Variants in ADCY8 observed in about 807,000 individuals in gnomAD.
ADCY8 encodes the protein adenylate cyclase type 8.
ADCY8 carries 51 observed loss-of-function variants against 119.7 expected under a neutral mutation model. That is an observed-to-expected ratio of 0.43 (90% CI 0.34 to 0.54). The LOEUF (loss-of-function observed/expected upper bound fraction) is 0.54, where lower values mean the gene tolerates loss of function less well. Among genes scored for constraint, ADCY8 ranks in the 20% least tolerant of loss-of-function variants. ADCY8 has a pLI of 0.03. For missense variants in ADCY8, 1,383 were observed against 1,598.8 expected (o/e 0.87, Z 2.30); for synonymous variants, 665 against 651.0 (o/e 1.02, Z -0.33).
chr8:130,847,048 A>G (rs894281048), intron 11 of ADCY8, among the ~76,000 whole-genome samples: 1 of 151,492 alleles, frequency 6.6e-6, no homozygotes, highest in African/African-American at 2.4e-5. Context: ...ATAACAGTGC[A>G]TTCTGCTACA....
chr8:130,884,481 A>G (rs1818902116), intron 8 of ADCY8, 83 bp downstream of exon 8: 4 of 1,442,728 alleles, frequency 2.8e-6, no homozygotes, highest in Admixed American at 3.5e-5. Context: ...CCAAAACCAC[A>G]GCCCCTGGGC....
chr8:130,933,020 G>A (rs1462744438), intron 5 of ADCY8, among the ~76,000 whole-genome samples: 1 of 152,138 alleles, frequency 6.6e-6, no homozygotes, highest in Non-Finnish European at 1.5e-5. Context: ...CTTACCAACA[G>A]AGCACTGGCC....
chr8:130,960,899 G>T (rs964709448), intron 2 of ADCY8, among the ~76,000 whole-genome samples: 2 of 152,104 alleles, frequency 1.3e-5, no homozygotes, highest in Non-Finnish European at 2.9e-5. Flanking sequence ...CCCATAGATT[G>T]CCTGACTTAG....
intron 2 of ADCY8, among the ~76,000 whole-genome samples, chr8:130,970,088 T>C (rs1821877982): frequency 6.6e-6 from 1 of 152,216 alleles, no homozygotes; most frequent in Non-Finnish European, 1.5e-5. Context: ...CAACCTAATC[T>C]GCCTACATCC....
rs199642175 is a variant in ADCY8 at position 130,836,244 on chromosome 8, G to A, written c.2675+33C>T. On this transcript the variant is annotated intron_variant, in intron 12 of 17. Transcript: ENST00000286355. ...AATTCCACTTCCCACAGGAAGTTGAGCACACTTTGGACTCACGGTGGTGGG... is the reference window on the plus strand; with the variant it reads ...AATTCCACTTCCCACAGGAAGTTGAACACACTTTGGACTCACGGTGGTGGG... 52 of 1,569,714 alleles carry A rather than the reference G, an allele frequency of 3.3e-5. No homozygotes were observed. In the East Asian group the frequency reaches 1.1e-3, roughly 32 times the overall value.
intron 7 of ADCY8, among the ~76,000 whole-genome samples, chr8:130,893,352 T>A (rs1253030863): frequency 6.6e-6 from 1 of 152,128 alleles, no homozygotes; most frequent in Non-Finnish European, 1.5e-5. Flanking sequence ...TCTGCCAGGA[T>A]TCACATGGGA....
At chr8:130,935,024 A>G (rs944007444) in intron 5 of ADCY8, among the ~76,000 whole-genome samples, 1 of 152,208 alleles carries the variant, frequency 6.6e-6, no homozygotes, top group Non-Finnish European at 1.5e-5. Context: ...AGGATCAATG[A>G]CATAAGAAGA....
chr8:130,878,872 A>G (rs1156454760), intron 8 of ADCY8, among the ~76,000 whole-genome samples: 2 of 152,194 alleles, frequency 1.3e-5, no homozygotes, highest in African/African-American at 4.8e-5. Flanking sequence ...ATCACAGTTT[A>G]CCCACAAAAA....
rs77136596 is a variant in ADCY8, at chr8:130,961,986, C to A, written c.1111-9988G>T. On this transcript the variant is annotated intron_variant, in intron 2 of 17. Transcript: ENST00000286355. ...TGAGACTCTGTCTCTAAAAAGAAAA[C>A]AACATTATTAAATAGTCTTTAAGTG... Among the ~76,000 whole-genome samples the A allele has an allele frequency of 9.9e-3, 1,508 of 152,238 alleles. 27 individuals carry two copies. Among genetic ancestry groups the A allele is most frequent in the African/African-American group, 0.034 (1,425 of 41,532 alleles).
chr8:130,804,379 C>T (rs1437621822), intron 14 of ADCY8, among the ~76,000 whole-genome samples: 1 of 152,152 alleles, frequency 6.6e-6, no homozygotes. Flanking sequence ...TATTAGGGCA[C>T]CAGTCATGTT....
intron 14 of ADCY8, among the ~76,000 whole-genome samples, chr8:130,810,469 C>T (rs1481302230): frequency 6.6e-6 from 1 of 152,002 alleles, no homozygotes. Flanking sequence ...ATCTGAGGGA[C>T]TGGACTCCCC....
At chr8:130,847,575 T>A in intron 10 of ADCY8, 62 bp from the exon 11 acceptor site, 1 of 1,376,168 alleles carries the variant, frequency 7.3e-7, no homozygotes, top group East Asian at 2.3e-5. Flanking sequence ...ACAAAGTCAG[T>A]GTGAGTGCTG....
chr8:130,903,049 C>T (rs998165975), intron 7 of ADCY8, among the ~76,000 whole-genome samples: 1 of 152,054 alleles, frequency 6.6e-6, no homozygotes, highest in Non-Finnish European at 1.5e-5. Context: ...CCTTGGTTCT[C>T]GACCTGGCTC....
intron 2 of ADCY8, among the ~76,000 whole-genome samples, chr8:130,988,593 A>G (rs2130737755): frequency 6.6e-6 from 1 of 152,326 alleles, no homozygotes; most frequent in Non-Finnish European, 1.5e-5. Flanking sequence ...TGGCCCAACT[A>G]GGAAGTAATA....
intron 7 of ADCY8, among the ~76,000 whole-genome samples, chr8:130,886,324 A>G (rs1200875072): frequency 6.6e-6 from 1 of 152,072 alleles, no homozygotes; most frequent in Non-Finnish European, 1.5e-5. Context: ...AGAGACTACT[A>G]TAGAGAAAAA....
At chr8:130,927,142 C>A (rs980437228) in intron 5 of ADCY8, among the ~76,000 whole-genome samples, 11 of 152,170 alleles carry the variant, frequency 7.2e-5, no homozygotes, top group Non-Finnish European at 1.6e-4. Flanking sequence ...TATGGTAGTT[C>A]TATTTTTTAA....
intron 10 of ADCY8, among the ~76,000 whole-genome samples, chr8:130,847,945 G>C (rs1817384260): frequency 6.6e-6 from 1 of 152,130 alleles, no homozygotes; most frequent in African/African-American, 2.4e-5. Flanking sequence ...TTAGCACTGG[G>C]GTGATGGGCA....
Position 130,814,141 on chromosome 8 carries a change from A to G in ADCY8, c.2841T>C (p.Asn947=). 6.2e-7 allele frequency: 1 copy of G among 1,614,056 alleles called. No homozygotes were observed. The highest frequency in any genetic ancestry group is 8.5e-7 in the Non-Finnish European group (1 of 1,180,002). The stretch of plus-strand genomic sequence containing the variant: ...GTAAGATATTCCGGAGCATGTTCTC[A>G]TTGTGTTCCCTCAGCTCCTTCATCT... ...INEMKELREH[N]ENMLRNILPS... The change falls in exon 14 of 18, where the codon AAT becomes AAC. Residue 947 remains asparagine, a synonymous_variant. Coordinates refer to ENST00000286355, the MANE Select transcript of ADCY8 (RefSeq NM_001115.3).
At chr8:130,850,364 A>G (rs1305383564) in intron 9 of ADCY8, among the ~76,000 whole-genome samples, 6 of 152,018 alleles carry the variant, frequency 3.9e-5, no homozygotes, top group African/African-American at 1.4e-4. Flanking sequence ...TCGAGTTTCA[A>G]ACTCTCATCA....
Sources: gnomAD v4.1 joint callset for allele counts (sites outside exome capture counted in the v4.1 genomes callset) on GRCh38, gnomAD v4.1.1 for gene constraint, MANE v1.5 for transcripts, NCBI Gene and HGNC (gene_info 2026-07-23, HGNC 2026-07-21) for gene names.